TUSC3: variants seen among roughly 807,000 people sequenced by gnomAD.
TUSC3 encodes the protein dolichyl-diphosphooligosaccharide--protein glycosyltransferase subunit TUSC3.
TUSC3 carries 45 observed loss-of-function variants against 44.8 expected under a neutral mutation model. That is an observed-to-expected ratio of 1.00 (90% CI 0.79 to 1.29). TUSC3 has a LOEUF of 1.29. TUSC3 is among the 50% of genes most tolerant of loss of function. The pLI is 0.00. For synonymous variants in TUSC3, 212 were observed against 152.9 expected (o/e 1.39, Z -2.85); for missense variants, 519 against 437.9 (o/e 1.19, Z -1.65).
chr8:15,428,685 C>G (rs1275911598), intron 1 of TUSC3, among the ~76,000 whole-genome samples: 2 of 152,124 alleles, frequency 1.3e-5, no homozygotes, highest in Non-Finnish European at 2.9e-5. Context: ...GATGATATCT[C>G]ATTGTGGTTT....
chr8:15,839,538 CA>C, the TUSC3 span, among the ~76,000 whole-genome samples: 1 of 151,470 alleles, frequency 6.6e-6, no homozygotes, highest in East Asian at 2.0e-4. Context: ...AGAAAAAAAA[CA>C]AACGACCCCA....
Position 15,569,002 on chromosome 8 carries a change from A to G in TUSC3, c.138+28434A>G, listed in dbSNP as rs999770538. 7.9e-5 allele frequency among the ~76,000 whole-genome samples: 12 copies of G among 152,270 alleles called. No individual in the cohort carries two copies. In the East Asian group the frequency reaches 1.7e-3, roughly 22 times the overall value. On this transcript the variant is annotated intron_variant, in intron 1 of 10. Transcript: ENST00000503731. ...CTATTTTGTTTAGTAAATATTGCCA[A>G]GTAGACCTGATTTACATTAGATAGT... is the stretch of plus-strand genomic sequence containing the variant.
chr8:15,734,053 G>A (rs1216278349), intron 7 of TUSC3, among the ~76,000 whole-genome samples: 2 of 152,150 alleles, frequency 1.3e-5, no homozygotes, highest in Non-Finnish European at 2.9e-5. Context: ...CAAAAAAGAA[G>A]TTATTTTTCA....
At chr8:15,606,813 T>C (rs1465034486) in intron 1 of TUSC3, among the ~76,000 whole-genome samples, 4 of 152,082 alleles carry the variant, frequency 2.6e-5, no homozygotes, top group African/African-American at 9.7e-5. Context: ...GCTTCGTATG[T>C]ATTATAAATG....
chr8:15,499,782 T>A (rs1800933801), intron 2 of TUSC3, among the ~76,000 whole-genome samples: 1 of 152,158 alleles, frequency 6.6e-6, no homozygotes, highest in South Asian at 2.1e-4. Context: ...CCTACACCAT[T>A]AATGTTCTTT....
chr8:15,797,023 C>T, the TUSC3 span, among the ~76,000 whole-genome samples: 5 of 152,188 alleles, frequency 3.3e-5, no homozygotes. Context: ...GGGGTCAGGA[C>T]TTACCCTCTC....
At chr8:15,521,853 C>G (rs1801304246) in intron 2 of TUSC3, among the ~76,000 whole-genome samples, 1 of 152,184 alleles carries the variant, frequency 6.6e-6, no homozygotes, top group Non-Finnish European at 1.5e-5. Context: ...CTGCTCTGCT[C>G]TTTAAGGTTG....
At chr8:15,569,543 A>G (rs1284180181) in intron 1 of TUSC3, among the ~76,000 whole-genome samples, 3 of 152,118 alleles carry the variant, frequency 2.0e-5, no homozygotes, top group Non-Finnish European at 4.4e-5. Context: ...GGAGCCAGGT[A>G]TTTAGAAGGA....
At chr8:15,548,848 A>G (rs918873940) in intron 1 of TUSC3, among the ~76,000 whole-genome samples, 5 of 151,784 alleles carry the variant, frequency 3.3e-5, no homozygotes, top group African/African-American at 1.2e-4. Context: ...TACATATTAA[A>G]TATCAGTAGG....
Position 15,755,821 on chromosome 8 carries a change from T to C in TUSC3, c.1029-1970T>C, listed in dbSNP as rs147981745. ...CAATGAATTCATTTTATATATTACATGAACTTTAGTGCTTGCCCCATTTTC... is the reference window on the plus strand; with the variant it reads ...CAATGAATTCATTTTATATATTACACGAACTTTAGTGCTTGCCCCATTTTC... On this transcript the variant is annotated intron_variant, in intron 9 of 10. Transcript: ENST00000503731. 4.0e-3 allele frequency among the ~76,000 whole-genome samples: 608 copies of C among 152,308 alleles called. 6 individuals carry two copies. The highest frequency in any genetic ancestry group is 0.037 in the South Asian group (180 of 4,828).
At chr8:15,582,476 A>T (rs1449108693) in intron 1 of TUSC3, among the ~76,000 whole-genome samples, 2 of 152,212 alleles carry the variant, frequency 1.3e-5, no homozygotes, top group Non-Finnish European at 2.9e-5. Context: ...TTTGAATATC[A>T]ACACTTAATA....
the TUSC3 span, among the ~76,000 whole-genome samples, chr8:15,809,522 G>A: frequency 1.3e-5 from 2 of 152,258 alleles, no homozygotes; most frequent in South Asian, 2.1e-4. Context: ...ACTGTAGATT[G>A]TATCTAGTCC....
At chr8:15,573,376 G>C (rs190258683) in intron 1 of TUSC3, among the ~76,000 whole-genome samples, 2 of 151,772 alleles carry the variant, frequency 1.3e-5, no homozygotes, top group East Asian at 1.9e-4. Context: ...TTTGTGTCAG[G>C]CAGTTAAGCT....
At chr8:15,420,709 C>G (rs1347269932) in intron 1 of TUSC3, among the ~76,000 whole-genome samples, 1 of 152,108 alleles carries the variant, frequency 6.6e-6, no homozygotes, top group Non-Finnish European at 1.5e-5. Flanking sequence ...AAGTACCTCT[C>G]TGGAGGTTAC....
At chr8:15,762,039 AAATTTAATATTTAT>A (rs1291948335) in intron 10 of TUSC3, among the ~76,000 whole-genome samples, 2 of 151,902 alleles carry the variant, frequency 1.3e-5, no homozygotes, top group Non-Finnish European at 2.9e-5. Flanking sequence ...CATACTTTGG[AAATTTAATATTTAT>A]AATTTAATAT....
chr8:15,710,845 CT>C (rs1265908572), intron 6 of TUSC3, among the ~76,000 whole-genome samples: 2 of 147,008 alleles, frequency 1.4e-5, no homozygotes, highest in African/African-American at 4.9e-5. Context: ...TATATATTCA[CT>C]TCATGCAAAT....
intron 2 of TUSC3, among the ~76,000 whole-genome samples, chr8:15,639,946 A>G (rs1269975492): frequency 6.6e-6 from 1 of 152,182 alleles, no homozygotes. Flanking sequence ...AGTGATTATC[A>G]TGTGCCCATG....
chr8:15,639,031 A>G (rs910280618), intron 2 of TUSC3, among the ~76,000 whole-genome samples: 2 of 145,414 alleles, frequency 1.4e-5, no homozygotes, highest in Non-Finnish European at 3.0e-5. Context: ...ATGCTAGATC[A>G]CGTGATGTTC....
intron 1 of TUSC3, among the ~76,000 whole-genome samples, chr8:15,599,363 T>C (rs1048422230): frequency 1.3e-5 from 2 of 151,770 alleles, no homozygotes; most frequent in African/African-American, 4.8e-5. Context: ...AAATATTTTC[T>C]CCCAGTTTGT....
Sources: gnomAD v4.1 joint callset for allele counts (sites outside exome capture counted in the v4.1 genomes callset) on GRCh38, gnomAD v4.1.1 for gene constraint, MANE v1.5 for transcripts, NCBI Gene and HGNC (gene_info 2026-07-23, HGNC 2026-07-21) for gene names.